DYRK1A: variants seen among roughly 807,000 people sequenced by gnomAD.
DYRK1A encodes dual specificity tyrosine-phosphorylation-regulated kinase 1A.
DYRK1A carries 9 observed loss-of-function variants against 79.7 expected under a neutral mutation model. The ratio of observed to expected loss-of-function variants is 0.11; its 90% confidence interval spans 0.07 to 0.20. DYRK1A has a LOEUF of 0.20. DYRK1A is among the 10% of genes least tolerant of loss of function. DYRK1A has a pLI of 1.00. For synonymous variants in DYRK1A, 349 were observed against 329.7 expected, an observed-to-expected ratio of 1.06 and a Z score of -0.63; for missense variants, 622 against 956.0, an observed-to-expected ratio of 0.65 and a Z score of 4.61.
chr21:37,426,412 C>T (rs112870742), intron 2 of DYRK1A, among the ~76,000 whole-genome samples: 2 of 151,976 alleles, frequency 1.3e-5, no homozygotes, highest in African/African-American at 4.8e-5. Context: ...GAAATGTCCA[C>T]AAAATAAATG....
At position 37,405,962 on chromosome 21, in the gene DYRK1A, G is replaced by C. The variant is rs891826470; in HGVS notation, c.-76-14337G>C. ...CAGTTGTATCAATAGGCGTAAATAAGTTCTCATTGTTGATGTTATTGAAGT... is the reference window on the plus strand; with the variant it reads ...CAGTTGTATCAATAGGCGTAAATAACTTCTCATTGTTGATGTTATTGAAGT... On this transcript the variant is annotated intron_variant, in intron 1 of 11. Coordinates refer to ENST00000647188, the MANE Select transcript of DYRK1A (RefSeq NM_001347721.2). 2.0e-5 allele frequency among the ~76,000 whole-genome samples: 3 copies of C among 151,772 alleles called. No homozygotes were observed. The East Asian group carries it at 5.8e-4, about 29-fold the overall frequency.
At position 37,511,965 on chromosome 21, in the gene DYRK1A, C is replaced by G; in HGVS notation, c.1699C>G (p.Gln567Glu). 6.2e-7 allele frequency: 1 copy of G among 1,614,198 alleles called. No individual in the cohort carries two copies. The highest frequency in any genetic ancestry group is 8.5e-7 in the Non-Finnish European group (1 of 1,180,024). Reference protein sequence around the residue: ...LGWSGTEAPTQVTVETHPVQE... With the variant: ...LGWSGTEAPTEVTVETHPVQE... ...TTGGTCAGGCACTGAAGCTCCTACA[C>G]AGGTCACTGTTGAAACTCATCCTGT... Residue 567 changes from glutamine to glutamate, a missense_variant, in exon 12 of 12, where the codon CAG becomes GAG. By Grantham distance (29) the Gln-to-Glu change is conservative. This residue lies in a region of DYRK1A where 292 missense variants were observed against 316.7 expected (regional missense o/e 0.92). Coordinates refer to ENST00000647188, the MANE Select transcript of DYRK1A (RefSeq NM_001347721.2).
chr21:37,472,617 G>C, intron 2 of DYRK1A, 67 bp from the exon 3 acceptor site: 1 of 1,328,484 alleles, frequency 7.5e-7, no homozygotes, highest in Non-Finnish European at 1.0e-6. Context: ...GGAACCATTA[G>C]ATATGTCAAA....
At chr21:37,464,685 C>T (rs145873236) in intron 2 of DYRK1A, among the ~76,000 whole-genome samples, 7 of 152,140 alleles carry the variant, frequency 4.6e-5, no homozygotes, top group East Asian at 1.9e-4. Flanking sequence ...TTATATAATA[C>T]GGTAGATAGT....
At chr21:37,482,869 T>G (rs1022730131) in intron 5 of DYRK1A, among the ~76,000 whole-genome samples, 2 of 152,232 alleles carry the variant, frequency 1.3e-5, no homozygotes, top group African/African-American at 4.8e-5. Flanking sequence ...TCCCATTTGC[T>G]TTTGAAAGAA....
intron 1 of DYRK1A, among the ~76,000 whole-genome samples, chr21:37,394,743 T>A (rs891870116): frequency 6.6e-6 from 1 of 152,190 alleles, no homozygotes; most frequent in Non-Finnish European, 1.5e-5. Flanking sequence ...CACCTCCTCC[T>A]GTCCGTGGAA....
intron 1 of DYRK1A, among the ~76,000 whole-genome samples, chr21:37,371,786 T>A (rs1407486459): frequency 6.6e-6 from 1 of 151,954 alleles, no homozygotes; most frequent in Non-Finnish European, 1.5e-5. Flanking sequence ...TTTAATTGAT[T>A]TTTGGGGGGG....
rs1258553454 is a variant in DYRK1A, at chr21:37,523,611, G to A, written c.*11080G>A. 3 of 152,166 alleles carry A rather than the reference G, an allele frequency of 2.0e-5. No individual in the cohort carries two copies. Among genetic ancestry groups the A allele is most frequent in the East Asian group, 1.9e-4 (1 of 5,198 alleles). The allele number at this position is 152,166 out of a possible 1,614,324, so 9.4% of individuals were successfully genotyped here. On this transcript the variant is annotated 3_prime_UTR_variant, in exon 12 of 12. Coordinates refer to ENST00000647188, the MANE Select transcript of DYRK1A (RefSeq NM_001347721.2). Reference sequence around the variant, plus strand: ...AGGAGAGCTCTGGAAGAGCAGGGACGACTTTGGCTTCTGTTTCCTGCCCAT... The same window carrying A: ...AGGAGAGCTCTGGAAGAGCAGGGACAACTTTGGCTTCTGTTTCCTGCCCAT...
rs552207956 is a variant in DYRK1A, at chr21:37,396,224, T to C, written c.-76-24075T>C. Among the ~76,000 whole-genome samples, 367 of 152,162 alleles carry C rather than the reference T, an allele frequency of 2.4e-3. 4 individuals are homozygous for C. The highest frequency in any genetic ancestry group is 8.4e-3 in the African/African-American group (347 of 41,518). ...AAATGAAAACGCCTCTTTTTTTTTT[T>C]AGGTTGGGGATGGAGGGCAGTAGTG... On this transcript the variant is annotated intron_variant, in intron 1 of 11. Coordinates refer to ENST00000647188, the MANE Select transcript of DYRK1A (RefSeq NM_001347721.2).
At chr21:37,463,249 A>G (rs900223014) in intron 2 of DYRK1A, among the ~76,000 whole-genome samples, 1 of 115,112 alleles carries the variant, frequency 8.7e-6, no homozygotes, top group African/African-American at 3.1e-5. Context: ...GTAGTAACAC[A>G]TATTGGCCAC....
intron 1 of DYRK1A, among the ~76,000 whole-genome samples, chr21:37,398,088 T>A (rs2148396605): frequency 6.8e-6 from 1 of 146,262 alleles, no homozygotes; most frequent in East Asian, 2.0e-4. Context: ...TATATATATA[T>A]ATTTATATTT....
intron 1 of DYRK1A, among the ~76,000 whole-genome samples, chr21:37,368,709 C>T (rs746095273): frequency 8.5e-5 from 13 of 152,130 alleles, no homozygotes; most frequent in Non-Finnish European, 1.9e-4. Context: ...TGGAGAGGGG[C>T]ACTGACTGGT....
intron 1 of DYRK1A, among the ~76,000 whole-genome samples, chr21:37,396,673 T>A (rs2049965008): frequency 6.6e-6 from 1 of 152,188 alleles, no homozygotes; most frequent in Non-Finnish European, 1.5e-5. Context: ...TTCCATAGGC[T>A]TAACTTTCAT....
At chr21:37,478,388 C>A in intron 4 of DYRK1A, 88 bp downstream of exon 4, 1 of 1,108,884 alleles carries the variant, frequency 9.0e-7, no homozygotes, top group Non-Finnish European at 1.3e-6. Context: ...ACTTTTTTTT[C>A]ATTCCTAGTA....
intron 2 of DYRK1A, among the ~76,000 whole-genome samples, chr21:37,466,166 C>T (rs1212258695): frequency 6.6e-6 from 1 of 152,188 alleles, no homozygotes; most frequent in African/African-American, 2.4e-5. Context: ...CCCATCTTTC[C>T]TTCCAGATGC....
At chr21:37,474,303 T>A (rs1033487808) in intron 3 of DYRK1A, among the ~76,000 whole-genome samples, 1 of 152,226 alleles carries the variant, frequency 6.6e-6, no homozygotes, top group African/African-American at 2.4e-5. Flanking sequence ...ACTAACGTCT[T>A]ATGTGTATTT....
At chr21:37,482,680 A>G (rs2052693659) in intron 5 of DYRK1A, among the ~76,000 whole-genome samples, 1 of 152,078 alleles carries the variant, frequency 6.6e-6, no homozygotes, top group Non-Finnish European at 1.5e-5. Context: ...TTAGGCGGGA[A>G]TTTCCTTGTC....
chr21:37,442,390 T>C (rs2051134383), intron 2 of DYRK1A, among the ~76,000 whole-genome samples: 1 of 152,190 alleles, frequency 6.6e-6, no homozygotes, highest in African/African-American at 2.4e-5. Context: ...CTGTTAACTT[T>C]TTAAAATCTC....
At chr21:37,383,901 G>GA (rs1173894804) in intron 1 of DYRK1A, among the ~76,000 whole-genome samples, 4 of 151,922 alleles carry the variant, frequency 2.6e-5, no homozygotes, top group African/African-American at 9.7e-5. Flanking sequence ...TCAGTGTCAG[G>GA]AATCATGGCT....
Sources: gnomAD v4.1 joint callset for allele counts (sites outside exome capture counted in the v4.1 genomes callset) on GRCh38, gnomAD v4.1.1 for gene constraint, gnomAD v4.1.1 regional missense constraint, MANE v1.5 for transcripts, NCBI Gene and HGNC (gene_info 2026-07-23, HGNC 2026-07-21) for gene names.